Variants in SOX1 observed in about 807,000 individuals in gnomAD.
The protein encoded by SOX1 is transcription factor SOX-1.
SOX1 carries 1 observed loss-of-function variant against 0.9 expected under a neutral mutation model. The observed-to-expected ratio is 1.07, with a 90% CI of 0.38 to 5.06. The LOEUF (loss-of-function observed/expected upper bound fraction) is 5.06, where lower values mean the gene tolerates loss of function less well. Ranked by LOEUF, SOX1 falls within the 30% of genes most tolerant of loss-of-function variation. SOX1 has a pLI of 0.16. For synonymous variants in SOX1, 397 were observed against 265.5 expected, an observed-to-expected ratio of 1.50 and a Z score of -4.81; for missense variants, 564 against 534.4, an observed-to-expected ratio of 1.06 and a Z score of -0.55.
chr13:112,068,525 C>G lies in SOX1; in HGVS notation c.867C>G (p.Gly289=). 1 of 977,856 alleles carries G rather than the reference C, an allele frequency of 1.0e-6. No homozygotes were observed. Among genetic ancestry groups the G allele is most frequent in the Non-Finnish European group, 1.2e-6 (1 of 822,930 alleles). The allele number at this position is 977,856 out of a possible 1,614,324, so 60.6% of individuals were successfully genotyped here. A position where few individuals can be genotyped will look rare whatever the true frequency, so the allele number is the denominator to read the frequency against. The change falls in exon 1 of 1, where the codon GGC becomes GGG. Residue 289 remains glycine, a synonymous_variant. Coordinates refer to ENST00000330949, the MANE Select transcript of SOX1 (RefSeq NM_005986.3). The surrounding 1 kb of genome is among the most constrained non-coding windows in gnomAD (Gnocchi z 6.9). ...GAAAAAAAAA[G]GAHQNSAVAA... The stretch of plus-strand genomic sequence containing the variant: ...CGGCCGCCGCCGCCGCCGCTGCGGG[C>G]GGCGCGCACCAGAACTCGGCCGTGG...
chr13:112,068,582 G>A lies in SOX1; in HGVS notation c.924G>A (p.Ser308=). ...AAAAAAAAAS[S]GALGALGSLV... ...CGGCGGCGGCGGCGGCCGCGTCGTC[G>A]GGCGCCCTGGGCGCGCTGGGCTCTC... Residue 308 remains serine, a synonymous_variant, in exon 1 of 1, where the codon TCG becomes TCA. Transcript: ENST00000330949. The surrounding 1 kb of genome is among the most constrained non-coding windows in gnomAD (Gnocchi z 6.9). The A allele has an allele frequency of 1.8e-6, 2 of 1,087,536 alleles. No individual in the cohort carries two copies. Among genetic ancestry groups the A allele is most frequent in the Non-Finnish European group, 2.2e-6 (2 of 898,028 alleles). The allele number at this position is 1,087,536 out of a possible 1,614,324, so 67.4% of individuals were successfully genotyped here. A position where few individuals can be genotyped will look rare whatever the true frequency, so the allele number is the denominator to read the frequency against.
Position 112,070,746 on chromosome 13 carries a change from G to A in SOX1, c.*1912G>A, listed in dbSNP as rs1241089085. Among the ~76,000 whole-genome samples, 4 of 150,928 alleles carry A rather than the reference G, an allele frequency of 2.7e-5. No individual in the cohort carries two copies. Among genetic ancestry groups the A allele is most frequent in the Non-Finnish European group, 4.4e-5 (3 of 68,038 alleles). On this transcript the variant is annotated 3_prime_UTR_variant, in exon 1 of 1. Transcript: ENST00000330949. ...TAAGTATAATGCTGATCTGACAATT[G>A]ACGTGTAATTTGGGAAGTCATTTTG...
rs1880787215 is a variant in SOX1 at position 112,068,366 on chromosome 13, G to A, written c.708G>A (p.Pro236=). The change falls in exon 1 of 1, where the codon CCG becomes CCA. Residue 236 remains proline (P), a synonymous_variant. Coordinates refer to ENST00000330949, the MANE Select transcript of SOX1 (RefSeq NM_005986.3). This position sits in a 1 kb window ranked among gnomAD's most constrained non-coding sequence, Gnocchi z 6.9. ...AHPAHPHPHH[P]HAHPHNPQPM... ...CCGCGCACCCGCACCCGCACCACCC[G>A]CACGCGCACCCGCACAACCCGCAGC... is the stretch of plus-strand genomic sequence containing the variant. 9 of 1,267,444 alleles carry A rather than the reference G, an allele frequency of 7.1e-6. No individual in the cohort carries two copies. The highest frequency in any genetic ancestry group is 5.1e-5 in the East Asian group (1 of 19,736). The allele number at this position is 1,267,444 out of a possible 1,614,324, so 78.5% of individuals were successfully genotyped here. A position where few individuals can be genotyped will look rare whatever the true frequency, so the allele number is the denominator to read the frequency against.
chr13:112,067,877 C>T lies in SOX1; in HGVS notation c.219C>T (p.Asn73=), dbSNP rs1316689778. The T allele has an allele frequency of 3.7e-6, 6 of 1,607,904 alleles. No homozygotes were observed. The highest frequency in any genetic ancestry group is 1.7e-4 in the Middle Eastern group (1 of 6,050). ...AGCGGCGCAAGATGGCCCAGGAGAA[C>T]CCCAAGATGCACAACTCGGAGATCA... ...RGQRRKMAQE[N]PKMHNSEISK... is the part of the protein sequence containing the mutation. Residue 73 remains asparagine (N), a synonymous_variant, in exon 1 of 1, where the codon AAC becomes AAT. Coordinates refer to ENST00000330949, the MANE Select transcript of SOX1 (RefSeq NM_005986.3). This position sits in a 1 kb window ranked among gnomAD's most constrained non-coding sequence, Gnocchi z 5.1.
In SOX1 at chr13:112,069,244, A is replaced by G; in HGVS notation, c.*410A>G. ...GCTTCCGGACGGCGCCGACCGCCGG[A>G]GCCCAAGTGACGCGGAGCTCGTCGC... On this transcript the variant is annotated 3_prime_UTR_variant, in exon 1 of 1. Coordinates refer to ENST00000330949, the MANE Select transcript of SOX1 (RefSeq NM_005986.3). 6.0e-6 allele frequency: 1 copy of G among 167,750 alleles called. No homozygotes were observed. 10.4% of individuals were successfully genotyped at this position (167,750 alleles called of 1,614,324 possible).
chr13:112,068,332 A>ACGCGCACCC lies in SOX1; in HGVS notation c.684_692dup (p.Ala229_Pro231dup), dbSNP rs761483695. The stretch of plus-strand genomic sequence containing the variant: ...CCGGGCGCGGGCGGCGCGCACCCGC[A>ACGCGCACCC]CGCGCACCCCGCGCACCCGCACCCG... On this transcript the variant is annotated inframe_insertion, in exon 1 of 1. Transcript: ENST00000330949. The surrounding 1 kb of genome is among the most constrained non-coding windows in gnomAD (Gnocchi z 6.9). 2.4e-5 allele frequency: 28 copies of ACGCGCACCC among 1,155,704 alleles called. No homozygotes were observed. Among genetic ancestry groups the ACGCGCACCC allele is most frequent in the African/African-American group, 1.2e-4 (7 of 57,012 alleles). 71.6% of individuals were successfully genotyped at this position (1,155,704 alleles called of 1,614,324 possible).
Position 112,068,823 on chromosome 13 carries a change from A to G in SOX1, c.1165A>G (p.Thr389Ala). ...GAGVNGTVPL[T>A]HI ...GGGCGTGAACGGCACGGTGCCCCTGACGCACATCTAGCGCCTTCGGGACGC... is the reference window on the plus strand; with the variant it reads ...GGGCGTGAACGGCACGGTGCCCCTGGCGCACATCTAGCGCCTTCGGGACGC... The change falls in exon 1 of 1, where the codon ACG becomes GCG. Residue 389 changes from threonine (T) to alanine (A), a missense_variant. By Grantham distance (58) the Thr-to-Ala change is moderately conservative. Coordinates refer to ENST00000330949, the MANE Select transcript of SOX1 (RefSeq NM_005986.3). This position sits in a 1 kb window ranked among gnomAD's most constrained non-coding sequence, Gnocchi z 6.9. 8.2e-7 allele frequency: 1 copy of G among 1,226,792 alleles called. No individual in the cohort carries two copies. Among genetic ancestry groups the G allele is most frequent in the Non-Finnish European group, 1.0e-6 (1 of 979,414 alleles). 76.0% of individuals were successfully genotyped at this position (1,226,792 alleles called of 1,614,324 possible).
Position 112,071,377 on chromosome 13 carries a change from A to C in SOX1, c.*2543A>C, listed in dbSNP as rs964028083. Among the ~76,000 whole-genome samples the C allele has an allele frequency of 1.3e-5, 2 of 152,276 alleles. No individual in the cohort carries two copies. The highest frequency in any genetic ancestry group is 4.8e-5 in the African/African-American group (2 of 41,476). Reference sequence around the variant, plus strand: ...TGAAATAGCCAATGCCAGGTGCTCCAACCACCTTATTTCCTTGTTTTGTTG... The same window carrying C: ...TGAAATAGCCAATGCCAGGTGCTCCCACCACCTTATTTCCTTGTTTTGTTG... On this transcript the variant is annotated 3_prime_UTR_variant, in exon 1 of 1. Coordinates refer to ENST00000330949, the MANE Select transcript of SOX1 (RefSeq NM_005986.3).
At position 112,068,685 on chromosome 13, in the gene SOX1, A is replaced by T. The variant is rs1880801877; in HGVS notation, c.1027A>T (p.Met343Leu). The T allele has an allele frequency of 8.5e-7, 1 of 1,172,172 alleles. No individual in the cohort carries two copies. Among genetic ancestry groups the T allele is most frequent in the Non-Finnish European group, 1.1e-6 (1 of 950,264 alleles). 72.6% of individuals were successfully genotyped at this position (1,172,172 alleles called of 1,614,324 possible). A position where few individuals can be genotyped will look rare whatever the true frequency, so the allele number is the denominator to read the frequency against. Residue 343 changes from methionine (M) to leucine (L), a missense_variant, in exon 1 of 1, where the codon ATG becomes TTG. Physicochemically the swap from Met to Leu is conservative, Grantham distance 15. Coordinates refer to ENST00000330949, the MANE Select transcript of SOX1 (RefSeq NM_005986.3). The surrounding 1 kb of genome is among the most constrained non-coding windows in gnomAD (Gnocchi z 6.9). Reference protein sequence around the residue: ...RAPCPGDLREMISMYLPAGEG... With the variant: ...RAPCPGDLRELISMYLPAGEG... ...GCCGTGCCCCGGGGACCTGCGCGAG[A>T]TGATCAGCATGTACTTGCCCGCCGG...
At position 112,070,886 on chromosome 13, in the gene SOX1, T is replaced by G. The variant is rs1402500254; in HGVS notation, c.*2052T>G. ...CCCCCCTCTTTTCTTTTTCTTTATT[T>G]TTATTTCTTTTAGCTATTTGATCCT... is the stretch of plus-strand genomic sequence containing the variant. On this transcript the variant is annotated 3_prime_UTR_variant, in exon 1 of 1. Coordinates refer to ENST00000330949, the MANE Select transcript of SOX1 (RefSeq NM_005986.3). 6.7e-6 allele frequency among the ~76,000 whole-genome samples: 1 copy of G among 150,288 alleles called. No individual in the cohort carries two copies. The highest frequency in any genetic ancestry group is 1.5e-5 in the Non-Finnish European group (1 of 67,660).
In SOX1 at chr13:112,068,440, A is replaced by C. The variant is rs1236513007; in HGVS notation, c.782A>C (p.Asn261Thr). The change falls in exon 1 of 1, where the codon AAC becomes ACC. Residue 261 changes from asparagine (N) to threonine (T), a missense_variant. Physicochemically the swap from Asn to Thr is moderately conservative, Grantham distance 65. Coordinates refer to ENST00000330949, the MANE Select transcript of SOX1 (RefSeq NM_005986.3). This position sits in a 1 kb window ranked among gnomAD's most constrained non-coding sequence, Gnocchi z 6.9. ...GCGCTGCAGTACAGCCCCATCTCCA[A>C]CTCGCAGGGCTACATGAGCGCGTCG... ...MGALQYSPIS[N>T]SQGYMSASPS... 2.4e-6 allele frequency: 3 copies of C among 1,232,426 alleles called. No individual in the cohort carries two copies. Among genetic ancestry groups the C allele is most frequent in the East Asian group, 6.4e-5 (1 of 15,632 alleles). The allele number at this position is 1,232,426 out of a possible 1,614,324, so 76.3% of individuals were successfully genotyped here. A position where few individuals can be genotyped will look rare whatever the true frequency, so the allele number is the denominator to read the frequency against.
Position 112,070,110 on chromosome 13 carries a change from T to C in SOX1, c.*1276T>C, listed in dbSNP as rs1880848438. ...TTCGAGCAGAATTTATCTAAATGTG[T>C]TTCAAGGAAACACAATCGCTGAACC... On this transcript the variant is annotated 3_prime_UTR_variant, in exon 1 of 1. Coordinates refer to ENST00000330949, the MANE Select transcript of SOX1 (RefSeq NM_005986.3). 1 of 167,074 alleles carries C rather than the reference T, an allele frequency of 6.0e-6. No homozygotes were observed. Among genetic ancestry groups the C allele is most frequent in the African/African-American group, 2.4e-5 (1 of 41,436 alleles). 10.3% of individuals were successfully genotyped at this position (167,074 alleles called of 1,614,324 possible).
Position 112,067,927 on chromosome 13 carries a change from A to T in SOX1, c.269A>T (p.Lys90Met). The T allele has an allele frequency of 6.2e-7, 1 of 1,606,860 alleles. No homozygotes were observed. Among genetic ancestry groups the T allele is most frequent in the Non-Finnish European group, 8.5e-7 (1 of 1,176,154 alleles). ...EISKRLGAEW[K>M]VMSEAEKRPF... Reference sequence around the variant, plus strand: ...AGCAAGCGCCTGGGGGCCGAGTGGAAGGTCATGTCCGAGGCCGAGAAGCGG... The same window carrying T: ...AGCAAGCGCCTGGGGGCCGAGTGGATGGTCATGTCCGAGGCCGAGAAGCGG... Residue 90 changes from lysine to methionine, a missense_variant, in exon 1 of 1, where the codon AAG becomes ATG. Lys to Met is a moderately conservative substitution (Grantham distance 95). Transcript: ENST00000330949. This position sits in a 1 kb window ranked among gnomAD's most constrained non-coding sequence, Gnocchi z 5.1.
chr13:112,071,215 G>T lies in SOX1; in HGVS notation c.*2381G>T, dbSNP rs942066732. The stretch of plus-strand genomic sequence containing the variant: ...TCTGTGTCCAATTGTTGGCATCTAG[G>T]TCTTGGCTCAAGATTAGGATGTGGG... On this transcript the variant is annotated 3_prime_UTR_variant, in exon 1 of 1. Transcript: ENST00000330949. Among the ~76,000 whole-genome samples, 2 of 152,164 alleles carry T rather than the reference G, an allele frequency of 1.3e-5. No individual in the cohort carries two copies. The highest frequency in any genetic ancestry group is 2.4e-5 in the African/African-American group (1 of 41,430).
Position 112,068,847 on chromosome 13 carries a change from G to T in SOX1, c.*13G>T. The stretch of plus-strand genomic sequence containing the variant: ...GACGCACATCTAGCGCCTTCGGGAC[G>T]CCGGGGACTCTGCGGCGGCGACCCA... On this transcript the variant is annotated 3_prime_UTR_variant, in exon 1 of 1. Coordinates refer to ENST00000330949, the MANE Select transcript of SOX1 (RefSeq NM_005986.3). The surrounding 1 kb of genome is among the most constrained non-coding windows in gnomAD (Gnocchi z 6.9). 1 of 1,210,416 alleles carries T rather than the reference G, an allele frequency of 8.3e-7. No homozygotes were observed. Among genetic ancestry groups the T allele is most frequent in the Non-Finnish European group, 1.0e-6 (1 of 966,310 alleles). The allele number at this position is 1,210,416 out of a possible 1,614,324, so 75.0% of individuals were successfully genotyped here.
rs1208067443 is a variant in SOX1, at chr13:112,071,445, C to T, written c.*2611C>T. 1.3e-5 allele frequency among the ~76,000 whole-genome samples: 2 copies of T among 152,208 alleles called. No individual in the cohort carries two copies. The highest frequency in any genetic ancestry group is 1.9e-4 in the East Asian group (1 of 5,196). On this transcript the variant is annotated 3_prime_UTR_variant, in exon 1 of 1. Coordinates refer to ENST00000330949, the MANE Select transcript of SOX1 (RefSeq NM_005986.3). The stretch of plus-strand genomic sequence containing the variant: ...AAAAGCAAATATAAATTTTTAATGA[C>T]TCCATTTAAAAATATCACAGGGTGG...
rs931866282 is a variant in SOX1, at chr13:112,068,548, T to TGGCGGC, written c.909_914dup (p.Ala305_Ala306dup). On this transcript the variant is annotated inframe_insertion, in exon 1 of 1. Coordinates refer to ENST00000330949, the MANE Select transcript of SOX1 (RefSeq NM_005986.3). This position sits in a 1 kb window ranked among gnomAD's most constrained non-coding sequence, Gnocchi z 6.9. Reference sequence around the variant, plus strand: ...GGCGGCGCGCACCAGAACTCGGCCGTGGCGGCGGCGGCGGCGGCGGCGGCC... The same window carrying TGGCGGC: ...GGCGGCGCGCACCAGAACTCGGCCGTGGCGGCGGCGGCGGCGGCGGCGGCGGCGGCC... The TGGCGGC allele has an allele frequency of 6.0e-5, 55 of 919,746 alleles. No homozygotes were observed. Among genetic ancestry groups the TGGCGGC allele is most frequent in the East Asian group, 2.4e-4 (2 of 8,430 alleles). The allele number at this position is 919,746 out of a possible 1,614,324, so 57.0% of individuals were successfully genotyped here. A position where few individuals can be genotyped will look rare whatever the true frequency, so the allele number is the denominator to read the frequency against.
rs1163121318 is a variant in SOX1, at chr13:112,070,826, T to C, written c.*1992T>C. On this transcript the variant is annotated 3_prime_UTR_variant, in exon 1 of 1. Coordinates refer to ENST00000330949, the MANE Select transcript of SOX1 (RefSeq NM_005986.3). ...AAGTGATTACAAAAAAGTTCAAGAA[T>C]GATGTCCACTGCTTTCTAACAAGAT... Among the ~76,000 whole-genome samples the C allele has an allele frequency of 6.6e-6, 1 of 152,232 alleles. No individual in the cohort carries two copies. The highest frequency in any genetic ancestry group is 1.5e-5 in the Non-Finnish European group (1 of 68,048).
rs879166158 is a variant in SOX1, at chr13:112,070,889, A to C, written c.*2055A>C. ...CCCTCTTTTCTTTTTCTTTATTTTTATTTCTTTTAGCTATTTGATCCTTTC... is the reference window on the plus strand; with the variant it reads ...CCCTCTTTTCTTTTTCTTTATTTTTCTTTCTTTTAGCTATTTGATCCTTTC... On this transcript the variant is annotated 3_prime_UTR_variant, in exon 1 of 1. Transcript: ENST00000330949. Among the ~76,000 whole-genome samples the C allele has an allele frequency of 1.5e-5, 2 of 133,896 alleles. No homozygotes were observed. Among genetic ancestry groups the C allele is most frequent in the Non-Finnish European group, 3.1e-5 (2 of 64,296 alleles). The allele number at this position is 133,896 out of a possible 152,430, so 87.8% of individuals were successfully genotyped here. A position where few individuals can be genotyped will look rare whatever the true frequency, so the allele number is the denominator to read the frequency against.
Sources: gnomAD v4.1 joint callset for allele counts (sites outside exome capture counted in the v4.1 genomes callset) on GRCh38, gnomAD v4.1.1 for gene constraint, Gnocchi (gnomAD v3.1) non-coding constraint, MANE v1.5 for transcripts, NCBI Gene and HGNC (gene_info 2026-07-23, HGNC 2026-07-21) for gene names.